ADGRD1: variants seen among roughly 807,000 people sequenced by gnomAD.
ADGRD1 encodes G-protein coupled receptor 133.
A neutral mutation model predicts 113.4 loss-of-function variants in ADGRD1; 77 were observed. The observed-to-expected ratio is 0.68, with a 90% CI of 0.57 to 0.82. The LOEUF is 0.82. Ranked by LOEUF, ADGRD1 falls within the 40% of genes least tolerant of loss-of-function variation. ADGRD1 has a pLI of 0.00. For missense variants in ADGRD1, 1,036 were observed against 1,139.1 expected (o/e 0.91, Z 1.30); for synonymous variants, 474 against 475.0 (o/e 1.00, Z 0.03).
intron 13 of ADGRD1, among the ~76,000 whole-genome samples, chr12:131,056,127 G>C (rs2137064495): frequency 6.6e-6 from 1 of 152,344 alleles, no homozygotes; most frequent in East Asian, 1.9e-4. Flanking sequence ...TGAGAGTCCT[G>C]TTTTGTAGAT....
At chr12:131,007,197 A>C (rs942420714) in intron 12 of ADGRD1, among the ~76,000 whole-genome samples, 4 of 152,182 alleles carry the variant, frequency 2.6e-5, no homozygotes, top group African/African-American at 9.6e-5. Context: ...GGGGCAATTC[A>C]CTGTGACCAC....
intron 4 of ADGRD1, among the ~76,000 whole-genome samples, chr12:130,973,580 A>C (rs190788356): frequency 1.3e-5 from 2 of 152,030 alleles, no homozygotes; most frequent in African/African-American, 4.8e-5. Context: ...ATAGCTGCAT[A>C]CCCTTGTTGA....
chr12:130,985,101 GTT>G (rs34234061), intron 5 of ADGRD1, among the ~76,000 whole-genome samples: 151 of 143,296 alleles, frequency 1.1e-3, no homozygotes, highest in Middle Eastern at 3.5e-3. Context: ...TGTCTCACTA[GTT>G]TTTTTTTTTT....
rs1430865877 is a variant in ADGRD1 at position 130,991,085 on chromosome 12, AG to A, written c.810+8del. The stretch of plus-strand genomic sequence containing the variant: ...ATCCACAGCAAGCCCCGTGGTGAGC[AG>A]ACACATCTTCCTTGGTCCCCCTTGC... On this transcript the variant is annotated splice_region_variant and intron_variant, in intron 7 of 24. Transcript: ENST00000261654. The A allele has an allele frequency of 1.2e-6, 2 of 1,612,560 alleles. No homozygotes were observed. The highest frequency in any genetic ancestry group is 1.7e-6 in the Non-Finnish European group (2 of 1,178,730).
At chr12:131,018,326 G>C (rs1444888052) in intron 13 of ADGRD1, among the ~76,000 whole-genome samples, 1 of 152,168 alleles carries the variant, frequency 6.6e-6, no homozygotes, top group Non-Finnish European at 1.5e-5. Context: ...GACCCTTCAC[G>C]CCGGGATGAG....
At chr12:131,012,787 G>T (rs1431124485) in intron 12 of ADGRD1, among the ~76,000 whole-genome samples, 2 of 152,220 alleles carry the variant, frequency 1.3e-5, no homozygotes, top group Non-Finnish European at 1.5e-5. Flanking sequence ...TTCAGTGGGT[G>T]TCGAAACAGG....
intron 4 of ADGRD1, chr12:130,978,309 G>C (rs1872562703): frequency 6.6e-6 from 1 of 152,036 alleles, no homozygotes. Flanking sequence ...AAATTTATTA[G>C]TCTTTTCTTA....
At chr12:131,112,977 TG>T (rs559015652) in intron 18 of ADGRD1, among the ~76,000 whole-genome samples, 232 of 152,242 alleles carry the variant, frequency 1.5e-3, no homozygotes, top group Non-Finnish European at 2.8e-3. Flanking sequence ...AGCACAAAGT[TG>T]GGGGGAATGA....
rs200810712 is a variant in ADGRD1 at position 131,105,718 on chromosome 12, C to T, written c.1776-36C>T. The T allele has an allele frequency of 1.7e-5, 26 of 1,539,104 alleles. No individual in the cohort carries two copies. In the African/African-American group the frequency reaches 3.5e-4, roughly 21 times the overall value. ...CCCAGCCTGGGGGACTGGGTCGGCG[C>T]AGGGCCCAGGCCTCACACCCTGCCT... On this transcript the variant is annotated intron_variant, in intron 16 of 24. Coordinates refer to ENST00000261654, the MANE Select transcript of ADGRD1 (RefSeq NM_198827.5).
At chr12:131,030,686 A>G (rs1490636020) in intron 13 of ADGRD1, 2 of 152,268 alleles carry the variant, frequency 1.3e-5, no homozygotes, top group Non-Finnish European at 2.9e-5. Context: ...CCTCAGCAGA[A>G]TGGCGAACTC....
intron 21 of ADGRD1, among the ~76,000 whole-genome samples, chr12:131,134,594 A>T (rs1951026876): frequency 6.6e-6 from 1 of 152,350 alleles, no homozygotes; most frequent in South Asian, 2.1e-4. Flanking sequence ...CATTAGCATT[A>T]TGAGAACAAG....
intron 13 of ADGRD1, among the ~76,000 whole-genome samples, chr12:131,067,412 A>T (rs576351369): frequency 2.6e-3 from 394 of 152,356 alleles, no homozygotes; most frequent in African/African-American, 9.1e-3. Flanking sequence ...GGGTCAGCCC[A>T]GGCCCTGGAG....
intron 13 of ADGRD1, among the ~76,000 whole-genome samples, chr12:131,072,149 C>T (rs979006815): frequency 2.6e-4 from 39 of 148,744 alleles, no homozygotes; most frequent in South Asian, 8.8e-4. Context: ...CACCTGTGCA[C>T]AAACCGAGCG....
intron 24 of ADGRD1, 93 bp from the exon 25 acceptor site, chr12:131,139,075 C>A: frequency 2.3e-6 from 2 of 885,844 alleles, no homozygotes; most frequent in South Asian, 1.6e-5. Context: ...AATCCTCGGG[C>A]AGCTATGGGC....
In ADGRD1 at chr12:131,108,795, G is replaced by A. The variant is rs770172388; in HGVS notation, c.1959G>A (p.Glu653=). The change falls in exon 18 of 25, where the codon GAG becomes GAA. Residue 653 remains glutamate (E), a synonymous_variant. Coordinates refer to ENST00000261654, the MANE Select transcript of ADGRD1 (RefSeq NM_198827.5). ...GTGCCTTCGCATGGATGCTGGTGGA[G>A]GGGCTGCACCTCTACAGCATGGTGA... is the stretch of plus-strand genomic sequence containing the variant. The part of the protein sequence containing the change: ...FLSAFAWMLV[E]GLHLYSMVIK... 7.4e-6 allele frequency: 12 copies of A among 1,614,112 alleles called. No homozygotes were observed. In the East Asian group the frequency reaches 2.7e-4, roughly 36 times the overall value.
intron 12 of ADGRD1, among the ~76,000 whole-genome samples, chr12:131,012,218 A>C (rs1447945122): frequency 6.6e-6 from 1 of 151,548 alleles, no homozygotes; most frequent in African/African-American, 2.4e-5. Flanking sequence ...GCCTCTTCAG[A>C]GGGGCTATAA....
intron 18 of ADGRD1, among the ~76,000 whole-genome samples, chr12:131,111,343 C>T (rs1265053079): frequency 6.6e-6 from 1 of 152,224 alleles, no homozygotes; most frequent in Non-Finnish European, 1.5e-5. Context: ...CCGCCCACTT[C>T]AGCCTCCCAA....
rs11061308 is a variant in ADGRD1 at position 131,060,066 on chromosome 12, G to A, written c.1474-16735G>A. 9.7e-3 allele frequency among the ~76,000 whole-genome samples: 1,475 copies of A among 152,382 alleles called. 23 individuals carry two copies. Among genetic ancestry groups the A allele is most frequent in the African/African-American group, 0.034 (1,414 of 41,600 alleles). On this transcript the variant is annotated intron_variant, in intron 13 of 24. Transcript: ENST00000261654. The surrounding 1 kb of genome is among the most constrained non-coding windows in gnomAD (Gnocchi z 4.4). ...GGGCCATGTGCCGCAGTACTGCGGCGTGGGGGTGAAAGTCCGAGTGCCTGC... is the reference window on the plus strand; with the variant it reads ...GGGCCATGTGCCGCAGTACTGCGGCATGGGGGTGAAAGTCCGAGTGCCTGC...
Position 130,954,726 on chromosome 12 carries a change from C to G in ADGRD1, c.103+66C>G. The stretch of plus-strand genomic sequence containing the variant: ...CTGCCTAGTGCAGGTATCTCAGGAA[C>G]AGCCCACTTGTTCATCTCTGAGGCA... On this transcript the variant is annotated intron_variant, in intron 2 of 24. Transcript: ENST00000261654. The surrounding 1 kb of genome is among the most constrained non-coding windows in gnomAD (Gnocchi z 4.7). 6.8e-7 allele frequency: 1 copy of G among 1,471,548 alleles called. No homozygotes were observed. Among genetic ancestry groups the G allele is most frequent in the Non-Finnish European group, 9.5e-7 (1 of 1,051,844 alleles). The allele number at this position is 1,471,548 out of a possible 1,614,324, so 91.2% of individuals were successfully genotyped here. A position where few individuals can be genotyped will look rare whatever the true frequency, so the allele number is the denominator to read the frequency against.
Sources: gnomAD v4.1 joint callset for allele counts (sites outside exome capture counted in the v4.1 genomes callset) on GRCh38, gnomAD v4.1.1 for gene constraint, Gnocchi (gnomAD v3.1) non-coding constraint, MANE v1.5 for transcripts, NCBI Gene and HGNC (gene_info 2026-07-23, HGNC 2026-07-21) for gene names.